PTPN14: variants seen among roughly 807,000 people sequenced by gnomAD.
PTPN14 encodes the protein protein tyrosine phosphatase non-receptor type 14.
Under a neutral mutation model 126.8 loss-of-function variants are expected in PTPN14, and 53 were observed. That is an observed-to-expected ratio of 0.42 (90% CI 0.34 to 0.53). The LOEUF (loss-of-function observed/expected upper bound fraction) is 0.53. PTPN14 is among the 20% of genes least tolerant of loss of function. The pLI, the probability that PTPN14 is intolerant of heterozygous loss-of-function variation, is 0.08. For synonymous variants in PTPN14, 630 were observed against 599.3 expected (o/e 1.05, Z -0.75); for missense variants, 1,257 against 1,552.9 (o/e 0.81, Z 3.20).
chr1:214,378,840 A>G (rs79855936), intron 13 of PTPN14, among the ~76,000 whole-genome samples: 2,090 of 151,106 alleles, frequency 0.014, 47 homozygotes, highest in African/African-American at 0.049. Flanking sequence ...ACATCACTGC[A>G]TGCCACTGAG....
At position 214,451,927 on chromosome 1, in the gene PTPN14, T is replaced by A. The variant is rs1660280623; in HGVS notation, c.222A>T (p.Arg74=). 6.2e-7 allele frequency: 1 copy of A among 1,614,074 alleles called. No homozygotes were observed. Among genetic ancestry groups the A allele is most frequent in the African/African-American group, 1.3e-5 (1 of 74,934 alleles). ...LWFLSKSQQA[R]WVELEKPLKK... is the part of the protein sequence containing the mutation. ...TCAGAGGTTTCTCCAGCTCCACCCA[T>A]CGTGCTTGCTGGCTCTTGCTGAGAA... The change falls in exon 3 of 19, where the codon CGA becomes CGT. Residue 74 remains arginine (R), a synonymous_variant. Coordinates refer to ENST00000366956, the MANE Select transcript of PTPN14 (RefSeq NM_005401.5).
rs17022700 is a variant in PTPN14 at position 214,354,813 on chromosome 1, G to A, written c.*3109C>T. 0.059 allele frequency: 9,004 copies of A among 152,182 alleles called. 370 individuals carry two copies. The highest frequency in any genetic ancestry group is 0.092 in the Admixed American group (1,404 of 15,302). 9.4% of individuals were successfully genotyped at this position (152,182 alleles called of 1,614,324 possible). A position where few individuals can be genotyped will look rare whatever the true frequency, so the allele number is the denominator to read the frequency against. ...TTTCTCCCTTCAAATCCAAACTGCA[G>A]CAATAGACACTGACAGCTCCAGCTT... On this transcript the variant is annotated 3_prime_UTR_variant, in exon 19 of 19. Coordinates refer to ENST00000366956, the MANE Select transcript of PTPN14 (RefSeq NM_005401.5).
At chr1:214,495,142 GAAGA>G (rs1661331739) in intron 1 of PTPN14, among the ~76,000 whole-genome samples, 1 of 152,196 alleles carries the variant, frequency 6.6e-6, no homozygotes, top group South Asian at 2.1e-4. Flanking sequence ...CTTGGGATCT[GAAGA>G]AAGAGCACTG....
intron 1 of PTPN14, among the ~76,000 whole-genome samples, chr1:214,472,720 C>T (rs1411502374): frequency 2.0e-5 from 3 of 152,194 alleles, no homozygotes; most frequent in East Asian, 1.9e-4. Context: ...AGTTATTCCA[C>T]TGACTCATGC....
chr1:214,487,503 G>A (rs914213721), intron 1 of PTPN14, among the ~76,000 whole-genome samples: 6 of 152,118 alleles, frequency 3.9e-5, no homozygotes, highest in African/African-American at 1.2e-4. Flanking sequence ...GCATGTGCCT[G>A]TAATCCCAGT....
chr1:214,412,918 G>A (rs936429837), intron 4 of PTPN14, among the ~76,000 whole-genome samples: 2 of 152,156 alleles, frequency 1.3e-5, no homozygotes, highest in African/African-American at 4.8e-5. Context: ...CATCTGGGCT[G>A]GGGTGTAGTG....
At chr1:214,430,769 C>G (rs1043502234) in intron 3 of PTPN14, among the ~76,000 whole-genome samples, 2 of 152,154 alleles carry the variant, frequency 1.3e-5, no homozygotes, top group Admixed American at 1.3e-4. Context: ...GAATAATGCC[C>G]GTCTCCAAAG....
chr1:214,431,072 A>G (rs1659786022), intron 3 of PTPN14, among the ~76,000 whole-genome samples: 2 of 152,234 alleles, frequency 1.3e-5, no homozygotes, highest in African/African-American at 4.8e-5. Context: ...CAAAGAGCAG[A>G]GGAAGAAGTG....
intron 7 of PTPN14, 129 bp from the exon 8 acceptor site, chr1:214,398,130 G>A (rs1316766205): frequency 2.8e-6 from 2 of 709,252 alleles, no homozygotes; most frequent in South Asian, 3.7e-5. Context: ...CGTGGTACAT[G>A]TGTGTACAAG....
chr1:214,430,192 C>G (rs1659767617), intron 3 of PTPN14, among the ~76,000 whole-genome samples: 1 of 152,152 alleles, frequency 6.6e-6, no homozygotes, highest in Non-Finnish European at 1.5e-5. Context: ...GGAATGTTCT[C>G]CCTTCACACT....
Position 214,384,724 on chromosome 1 carries a change from A to T in PTPN14, c.1131T>A (p.Asn377Lys). ...CATTGGTGACAGTGCCATTTAAATA[A>T]TTTAAGTCCAGGCTGTTGTGAGAGT... ...YCNSHNSLDL[N>K]YLNGTVTNGS... The change falls in exon 13 of 19, where the codon AAT becomes AAA. Residue 377 changes from asparagine to lysine, a missense_variant. By Grantham distance (94) the Asn-to-Lys change is moderately conservative. Around this residue, in one of 3 missense-constraint regions of PTPN14, gnomAD observed 1,021 missense variants for 1,183.3 expected, o/e 0.86. Transcript: ENST00000366956. The surrounding 1 kb of genome is among the most constrained non-coding windows in gnomAD (Gnocchi z 5.3). 6.2e-7 allele frequency: 1 copy of T among 1,614,146 alleles called. No individual in the cohort carries two copies. Among genetic ancestry groups the T allele is most frequent in the Non-Finnish European group, 8.5e-7 (1 of 1,180,026 alleles).
intron 1 of PTPN14, among the ~76,000 whole-genome samples, chr1:214,489,071 A>C (rs7528775): frequency 0.91 from 139,184 of 152,184 alleles, 63,763 homozygotes; most frequent in African/African-American, 0.97. Flanking sequence ...CTGGGCCTTG[A>C]CTACCTAAAT....
chr1:214,498,182 C>T (rs1654587477), intron 1 of PTPN14, among the ~76,000 whole-genome samples: 1 of 151,960 alleles, frequency 6.6e-6, no homozygotes, highest in Admixed American at 6.6e-5. Flanking sequence ...TGTTTCTGTC[C>T]CTAGAGCTAG....
intron 3 of PTPN14, among the ~76,000 whole-genome samples, chr1:214,426,568 A>G (rs1441196943): frequency 6.6e-6 from 1 of 152,172 alleles, no homozygotes; most frequent in Non-Finnish European, 1.5e-5. Flanking sequence ...ACAAGTAACT[A>G]CACATAAATA....
chr1:214,497,312 G>A (rs1482371719), intron 1 of PTPN14, among the ~76,000 whole-genome samples: 1 of 151,926 alleles, frequency 6.6e-6, no homozygotes, highest in Non-Finnish European at 1.5e-5. Context: ...CTCACCATCA[G>A]GAAAATGTAA....
chr1:214,521,478 C>A (rs886349359), intron 1 of PTPN14, among the ~76,000 whole-genome samples: 6 of 152,084 alleles, frequency 3.9e-5, no homozygotes, highest in African/African-American at 1.4e-4. Flanking sequence ...TTTGGGAGAC[C>A]AAAATGGGTG....
intron 1 of PTPN14, among the ~76,000 whole-genome samples, chr1:214,506,422 C>T (rs556173654): frequency 1.3e-5 from 2 of 151,792 alleles, no homozygotes; most frequent in African/African-American, 4.8e-5. Flanking sequence ...GAGGCTGAGA[C>T]GGAAGGACCA....
intron 7 of PTPN14, among the ~76,000 whole-genome samples, chr1:214,398,613 A>ATTTTTTTTTTT (rs56339386): frequency 2.8e-5 from 3 of 108,906 alleles, no homozygotes; most frequent in African/African-American, 1.0e-4. Context: ...TGCCCTGCTA[A>ATTTTTTTTTTT]TTTTTTTTTT....
chr1:214,518,298 C>T lies in PTPN14; in HGVS notation c.-155+32885G>A, dbSNP rs187467455. On this transcript the variant is annotated intron_variant, in intron 1 of 18. Transcript: ENST00000366956. ...TATATCCAAACCACTACTCTCTATTCGCCACTACTAATAAAAGAAACTCCC... is the reference window on the plus strand; with the variant it reads ...TATATCCAAACCACTACTCTCTATTTGCCACTACTAATAAAAGAAACTCCC... Among the ~76,000 whole-genome samples, 146 of 152,258 alleles carry T rather than the reference C, an allele frequency of 9.6e-4. 4 individuals carry two copies. In the East Asian group the frequency reaches 0.025, roughly 26 times the overall value.
Sources: allele counts gnomAD v4.1 joint callset (sites outside exome capture counted in the v4.1 genomes callset), GRCh38; gene constraint gnomAD v4.1.1; regional missense constraint gnomAD v4.1.1; non-coding constraint Gnocchi (gnomAD v3.1); transcripts MANE v1.5; gene names NCBI Gene and HGNC (gene_info 2026-07-23, HGNC 2026-07-21).